The following TTLL5 variants were observed in gnomAD, a reference collection of about 807,000 sequenced individuals.
TTLL5 encodes tubulin polyglutamylase TTLL5.
In TTLL5, 132 loss-of-function variants were observed where a neutral mutation model predicts 168.4. The ratio of observed to expected loss-of-function variants is 0.78; its 90% CI spans 0.68 to 0.91. The LOEUF is 0.91. Ranked by LOEUF, TTLL5 falls within the 40% of genes least tolerant of loss-of-function variation. TTLL5 has a pLI of 0.00. For missense variants in TTLL5, 1,545 were observed against 1,581.5 expected (o/e 0.98, Z 0.39); for synonymous variants, 546 against 558.6 (o/e 0.98, Z 0.32).
chr14:75,949,582 G>A (rs937823188), intron 31 of TTLL5, among the ~76,000 whole-genome samples: 12 of 151,800 alleles, frequency 7.9e-5, no homozygotes, highest in Admixed American at 2.0e-4. Flanking sequence ...CTGGCCTGGT[G>A]GTTCACGCCT....
chr14:75,816,444 T>A (rs1025168070), intron 27 of TTLL5, among the ~76,000 whole-genome samples: 1 of 152,166 alleles, frequency 6.6e-6, no homozygotes, highest in African/African-American at 2.4e-5. Flanking sequence ...TGCAAGATCA[T>A]TGCACATAGT....
chr14:75,902,503 T>C, intron 31 of TTLL5: 1 of 603,964 alleles, frequency 1.7e-6, no homozygotes, highest in Non-Finnish European at 3.1e-6. Context: ...TGTCCCATAT[T>C]GACTGGTATT....
intron 6 of TTLL5, among the ~76,000 whole-genome samples, chr14:75,697,310 T>A (rs1214650395): frequency 6.6e-6 from 1 of 152,244 alleles, no homozygotes; most frequent in Non-Finnish European, 1.5e-5. Context: ...TTTGCTGTTA[T>A]AACACAGCAT....
At chr14:75,937,778 T>C (rs576099193) in intron 31 of TTLL5, among the ~76,000 whole-genome samples, 4 of 152,352 alleles carry the variant, frequency 2.6e-5, no homozygotes, top group Admixed American at 6.5e-5. Context: ...CTTGAGTTGC[T>C]TCCACCTTTA....
chr14:75,764,420 T>C (rs1890837726), intron 18 of TTLL5, among the ~76,000 whole-genome samples, 195 bp from the exon 19 acceptor site: 1 of 152,206 alleles, frequency 6.6e-6, no homozygotes, highest in Non-Finnish European at 1.5e-5. Context: ...TTTTAGAACA[T>C]TTAATAAATT....
At chr14:75,690,126 A>G in intron 5 of TTLL5, 66 bp from the exon 6 acceptor site, 3 of 1,576,770 alleles carry the variant, frequency 1.9e-6, no homozygotes, top group Non-Finnish European at 2.6e-6. Flanking sequence ...ACTCTTTAGA[A>G]TGTGATAACA....
chr14:75,826,608 A>C (rs1383024480), intron 28 of TTLL5, among the ~76,000 whole-genome samples: 2 of 152,138 alleles, frequency 1.3e-5, no homozygotes, highest in Non-Finnish European at 2.9e-5. Context: ...TTTGGTTTTA[A>C]GAGGCCTGGT....
At chr14:75,797,456 A>C (rs1893056101) in intron 27 of TTLL5, among the ~76,000 whole-genome samples, 1 of 152,108 alleles carries the variant, frequency 6.6e-6, no homozygotes, top group Non-Finnish European at 1.5e-5. Context: ...ACTATGTTGA[A>C]TAGAAGTGGT....
In TTLL5 at chr14:75,745,574, A is replaced by T. The variant is rs1889554575; in HGVS notation, c.1480A>T (p.Ile494Leu). 1 of 1,613,754 alleles carries T rather than the reference A, an allele frequency of 6.2e-7. No homozygotes were observed. The highest frequency in any genetic ancestry group is 1.1e-5 in the South Asian group (1 of 91,068). ...RIFPTSETWE[I>L]YGSYLEHKTS... ...ATTTCCTACATCTGAGACATGGGAAATATATGGGTGAGGTGACTACCTTTT... is the reference window on the plus strand; with the variant it reads ...ATTTCCTACATCTGAGACATGGGAATTATATGGGTGAGGTGACTACCTTTT... Residue 494 changes from isoleucine to leucine, a missense_variant, in exon 17 of 32, where the codon ATA becomes TTA. Physicochemically the swap from Ile to Leu is conservative, Grantham distance 5. Transcript: ENST00000298832.
intron 31 of TTLL5, among the ~76,000 whole-genome samples, chr14:75,903,733 A>G (rs1248081774): frequency 2.0e-5 from 3 of 151,948 alleles, no homozygotes; most frequent in Non-Finnish European, 2.9e-5. Flanking sequence ...CTACAAAAAA[A>G]AAAAGTTTTT....
chr14:75,785,222 C>T (rs1892296986), intron 26 of TTLL5, among the ~76,000 whole-genome samples: 1 of 147,462 alleles, frequency 6.8e-6, no homozygotes, highest in African/African-American at 2.5e-5. Flanking sequence ...TGCTGTGCCG[C>T]CAGGCTGGAG....
intron 28 of TTLL5, among the ~76,000 whole-genome samples, chr14:75,836,885 G>T (rs1270574394): frequency 3.9e-5 from 6 of 152,138 alleles, no homozygotes; most frequent in Non-Finnish European, 8.8e-5. Context: ...GCTGTGTTAG[G>T]AGAGCAGGCC....
intron 31 of TTLL5, among the ~76,000 whole-genome samples, chr14:75,912,375 A>G (rs1190211888): frequency 2.0e-5 from 3 of 152,220 alleles, no homozygotes; most frequent in Non-Finnish European, 2.9e-5. Flanking sequence ...AAAGCTGCCA[A>G]TGTATGCATG....
At position 75,811,044 on chromosome 14, in the gene TTLL5, G is replaced by A. The variant is rs751141304; in HGVS notation, c.3172-8963G>A. Among the ~76,000 whole-genome samples, 47 of 149,412 alleles carry A rather than the reference G, an allele frequency of 3.1e-4. 2 individuals carry two copies. The highest frequency in any genetic ancestry group is 2.0e-3 in the Admixed American group (30 of 14,698). On this transcript the variant is annotated intron_variant, in intron 27 of 31. Coordinates refer to ENST00000298832, the MANE Select transcript of TTLL5 (RefSeq NM_015072.5). ...GACTCCTAATTTCCTTGATAGCCTT[G>A]CAGAGACATTAACCACTTTTCTACT...
chr14:75,740,196 A>G (rs1265025322), intron 15 of TTLL5, among the ~76,000 whole-genome samples: 1 of 152,210 alleles, frequency 6.6e-6, no homozygotes, highest in Non-Finnish European at 1.5e-5. Context: ...ATATATTGCT[A>G]TAGTTCCCCT....
chr14:75,863,152 A>C (rs1436107212), intron 28 of TTLL5, among the ~76,000 whole-genome samples: 1 of 152,228 alleles, frequency 6.6e-6, no homozygotes, highest in Non-Finnish European at 1.5e-5. Context: ...TTACCCAGTC[A>C]TAGGGACATA....
At chr14:75,882,299 T>G (rs2031859653) in intron 29 of TTLL5, among the ~76,000 whole-genome samples, 1 of 152,202 alleles carries the variant, frequency 6.6e-6, no homozygotes, top group East Asian at 1.9e-4. Flanking sequence ...GCAAGACAAT[T>G]TTATTCTGTG....
At chr14:75,743,115 A>G (rs1363439312) in intron 15 of TTLL5, among the ~76,000 whole-genome samples, 1 of 152,190 alleles carries the variant, frequency 6.6e-6, no homozygotes, top group East Asian at 1.9e-4. Context: ...ATTGTTCTGG[A>G]TGTTGAAGAT....
chr14:75,682,946 T>A lies in TTLL5; in HGVS notation c.265-604T>A, dbSNP rs545630334. On this transcript the variant is annotated intron_variant, in intron 4 of 31. Transcript: ENST00000298832. ...CACTCCTGGCTAATTAAAAAAAAAA[T>A]TTTTTTTATAGAGACAGGGTCTTAA... Among the ~76,000 whole-genome samples the A allele has an allele frequency of 8.3e-4, 126 of 151,518 alleles. 1 individual carries two copies. Among genetic ancestry groups the A allele is most frequent in the Admixed American group, 2.7e-3 (41 of 15,238 alleles).
Sources: allele counts gnomAD v4.1 joint callset (sites outside exome capture counted in the v4.1 genomes callset), GRCh38; gene constraint gnomAD v4.1.1; transcripts MANE v1.5; gene names NCBI Gene and HGNC (gene_info 2026-07-23, HGNC 2026-07-21).